Variants in SEMA3A observed in about 807,000 individuals in gnomAD.
The protein encoded by SEMA3A is semaphorin-3A.
In SEMA3A, 29 loss-of-function variants were observed where a neutral mutation model predicts 97.9. The ratio of observed to expected loss-of-function variants is 0.30; its 90% confidence interval spans 0.22 to 0.40. The LOEUF is 0.40. Among genes scored for constraint, SEMA3A ranks in the 10% least tolerant of loss-of-function variants. The probability of loss-of-function intolerance (pLI) is 1.00; values close to 1 mark genes in which losing one functional copy is unlikely to be tolerated. For missense variants in SEMA3A, 763 were observed against 951.3 expected (o/e 0.80, Z 2.60); for synonymous variants, 321 against 323.7 (o/e 0.99, Z 0.09).
intron 2 of SEMA3A, among the ~76,000 whole-genome samples, chr7:84,317,695 A>G (rs553769095): frequency 3.3e-5 from 5 of 152,302 alleles, no homozygotes; most frequent in African/African-American, 1.2e-4. Context: ...TTGTCTCAAC[A>G]TATTTCATCA....
intron 3 of SEMA3A, among the ~76,000 whole-genome samples, chr7:84,238,142 C>T (rs184775349): frequency 6.6e-6 from 1 of 152,106 alleles, no homozygotes; most frequent in Non-Finnish European, 1.5e-5. Flanking sequence ...TCTTGGCTCA[C>T]AGCAACCTCT....
intron 1 of SEMA3A, among the ~76,000 whole-genome samples, chr7:84,185,692 GA>G (rs71078810): frequency 0.44 from 34,649 of 78,028 alleles, 5,837 homozygotes; most frequent in East Asian, 0.64. Flanking sequence ...ACTCTGGCAG[GA>G]AAAAAAAAAA....
chr7:84,009,281 T>A (rs1790786062), intron 9 of SEMA3A, among the ~76,000 whole-genome samples: 1 of 152,238 alleles, frequency 6.6e-6, no homozygotes, highest in Admixed American at 6.5e-5. Flanking sequence ...TGGATTCATA[T>A]TTGTCTGAGT....
At chr7:84,425,698 T>G (rs925614808) in intron 1 of SEMA3A, among the ~76,000 whole-genome samples, 1 of 148,912 alleles carries the variant, frequency 6.7e-6, no homozygotes, top group Non-Finnish European at 1.5e-5. Flanking sequence ...AGATTCGATA[T>G]GAAAAAACAT....
At chr7:84,019,915 T>C (rs7793814) in intron 6 of SEMA3A, among the ~76,000 whole-genome samples, 110,897 of 151,518 alleles carry the variant, frequency 0.73, 40,756 homozygotes, top group Middle Eastern at 0.82. Context: ...TTTTTCTAAA[T>C]TTCTGTATAT....
chr7:84,316,850 G>A (rs915079613), intron 2 of SEMA3A, among the ~76,000 whole-genome samples: 3 of 152,050 alleles, frequency 2.0e-5, no homozygotes, highest in African/African-American at 7.2e-5. Context: ...CAGGATCTGC[G>A]GTTTGTCAAA....
Position 84,267,518 on chromosome 7 carries a change from T to C in SEMA3A, c.-83+39689A>G, listed in dbSNP as rs530775331. 4.9e-4 allele frequency among the ~76,000 whole-genome samples: 75 copies of C among 152,248 alleles called. 1 individual carries two copies. The highest frequency in any genetic ancestry group is 1.8e-3 in the African/African-American group (73 of 41,564). The stretch of plus-strand genomic sequence containing the variant: ...AATATGATTTGTAAACAATATTTCA[T>C]GGGTCTTTAAAAATGTAATTTTTTT... On this transcript the variant is annotated intron_variant, in intron 3 of 3. Coordinates refer to the SEMA3A transcript ENST00000424555.
At chr7:84,141,745 T>C (rs1358291203) in intron 1 of SEMA3A, among the ~76,000 whole-genome samples, 1 of 152,132 alleles carries the variant, frequency 6.6e-6, no homozygotes, top group Non-Finnish European at 1.5e-5. Flanking sequence ...GTCCATGTGT[T>C]CTCATCATTT....
intron 2 of SEMA3A, among the ~76,000 whole-genome samples, chr7:84,335,363 T>A (rs1236567979): frequency 6.6e-6 from 1 of 152,160 alleles, no homozygotes; most frequent in Non-Finnish European, 1.5e-5. Context: ...GTATGAAGGG[T>A]TATTCCCTGA....
intron 3 of SEMA3A, among the ~76,000 whole-genome samples, chr7:84,112,756 G>T (rs1330768241): frequency 3.3e-5 from 5 of 152,044 alleles, no homozygotes; most frequent in African/African-American, 9.7e-5. Context: ...TATGAAATTG[G>T]GCTCCACTGA....
At chr7:83,981,547 G>C (rs574692442) in intron 13 of SEMA3A, 69 bp from the exon 14 acceptor site, 6 of 1,284,594 alleles carry the variant, frequency 4.7e-6, no homozygotes, top group Non-Finnish European at 6.2e-6. Context: ...TCTTAAAAAA[G>C]AGTTTATTTA....
At chr7:84,206,084 G>T (rs1798487206) in intron 3 of SEMA3A, among the ~76,000 whole-genome samples, 1 of 151,956 alleles carries the variant, frequency 6.6e-6, no homozygotes, top group Non-Finnish European at 1.5e-5. Flanking sequence ...AACAGTGACG[G>T]GCTGTTTGCA....
chr7:84,427,708 T>C lies in SEMA3A; in HGVS notation c.-245-55808A>G, dbSNP rs1804866086. Among the ~76,000 whole-genome samples the C allele has an allele frequency of 2.0e-5, 3 of 147,892 alleles. No individual in the cohort carries two copies. In the South Asian group the frequency reaches 6.4e-4, roughly 32 times the overall value. Reference sequence around the variant, plus strand: ...TATGTAACAATTAATAGTTTTTTTATGTATTACCCTTTTAGATGCTTTGAA... The same window carrying C: ...TATGTAACAATTAATAGTTTTTTTACGTATTACCCTTTTAGATGCTTTGAA... On this transcript the variant is annotated intron_variant, in intron 1 of 3. Transcript: ENST00000424555.
Position 84,308,729 on chromosome 7 carries a change from T to C in SEMA3A, c.-168-1437A>G, listed in dbSNP as rs113971235. ...GAGATTTTAGGGAGGAGAAATGGTA[T>C]TGATCAGGAAGCGGCACTGAGGAGC... On this transcript the variant is annotated intron_variant, in intron 2 of 3. Coordinates refer to the SEMA3A transcript ENST00000424555. Among the ~76,000 whole-genome samples the C allele has an allele frequency of 3.3e-5, 5 of 152,212 alleles. 1 individual carries two copies. The highest frequency in any genetic ancestry group is 1.2e-4 in the African/African-American group (5 of 41,544).
chr7:84,026,978 G>A (rs12533806), intron 6 of SEMA3A, among the ~76,000 whole-genome samples: 59,215 of 151,630 alleles, frequency 0.39, 12,865 homozygotes, highest in Non-Finnish European at 0.5. Context: ...AAACCTTCAC[G>A]TGTACCCCCA....
At chr7:84,468,800 A>C (rs1233997588) in intron 1 of SEMA3A, among the ~76,000 whole-genome samples, 1 of 151,978 alleles carries the variant, frequency 6.6e-6, no homozygotes. Flanking sequence ...ATTTATATCA[A>C]GAATAGTTTT....
chr7:84,235,747 T>C (rs1343514922), intron 3 of SEMA3A, among the ~76,000 whole-genome samples: 1 of 152,098 alleles, frequency 6.6e-6, no homozygotes, highest in Non-Finnish European at 1.5e-5. Context: ...CCAAGTACCC[T>C]CTACTCTTGG....
At chr7:84,409,859 TTTA>T (rs1294325241) in intron 1 of SEMA3A, among the ~76,000 whole-genome samples, 1 of 152,110 alleles carries the variant, frequency 6.6e-6, no homozygotes, top group Non-Finnish European at 1.5e-5. Flanking sequence ...ACAAATTTTA[TTTA>T]TTAGATATTT....
chr7:84,192,711 T>TA (rs1271828410), intron 1 of SEMA3A, among the ~76,000 whole-genome samples: 1 of 151,866 alleles, frequency 6.6e-6, no homozygotes. Context: ...TCTTGCAAAA[T>TA]AAAAAAGTTT....
Sources: allele counts gnomAD v4.1 joint callset (sites outside exome capture counted in the v4.1 genomes callset), GRCh38; gene constraint gnomAD v4.1.1; transcripts MANE v1.5; gene names NCBI Gene and HGNC (gene_info 2026-07-23, HGNC 2026-07-21).